Variants in ACYP2 observed in about 807,000 individuals in gnomAD.
ACYP2 encodes the protein acylphosphatase-2.
ACYP2 carries 12 observed loss-of-function variants against 11.2 expected under a neutral mutation model. That is an observed-to-expected ratio of 1.08 (90% CI 0.69 to 1.74). The LOEUF is 1.74. ACYP2 is among the 40% of genes most tolerant of loss of function. The pLI, the probability that ACYP2 is intolerant of heterozygous loss-of-function variation, is 0.00. For missense variants in ACYP2, 134 were observed against 101.9 expected, an observed-to-expected ratio of 1.31 and a Z score of -1.35; for synonymous variants, 43 against 32.2, an observed-to-expected ratio of 1.33 and a Z score of -1.13.
intron 4 of ACYP2, among the ~76,000 whole-genome samples, chr2:54,095,494 G>A (rs544716827): frequency 6.6e-6 from 1 of 150,926 alleles, no homozygotes; most frequent in Non-Finnish European, 1.5e-5. Context: ...CCCGGACGGG[G>A]CGGCTGGCTG....
At chr2:54,165,564 C>G (rs1350792211) in intron 6 of ACYP2, among the ~76,000 whole-genome samples, 2 of 150,226 alleles carry the variant, frequency 1.3e-5, no homozygotes, top group East Asian at 3.9e-4. Context: ...CACACACACA[C>G]ACACACACAT....
intron 6 of ACYP2, among the ~76,000 whole-genome samples, chr2:54,139,474 A>C (rs1240174599): frequency 6.6e-6 from 1 of 152,226 alleles, no homozygotes; most frequent in Admixed American, 6.5e-5. Flanking sequence ...TGACGTTTTC[A>C]AAAGCCTTGT....
chr2:54,300,863 G>C (rs918134644), intron 6 of ACYP2, among the ~76,000 whole-genome samples: 6 of 152,184 alleles, frequency 3.9e-5, no homozygotes, highest in African/African-American at 1.4e-4. Context: ...GCCACTACTG[G>C]ATATTATCAA....
At chr2:54,130,828 G>C (rs1680858314) in intron 4 of ACYP2, among the ~76,000 whole-genome samples, 2 of 152,104 alleles carry the variant, frequency 1.3e-5, no homozygotes, top group Admixed American at 1.3e-4. Flanking sequence ...TCTCCTATCT[G>C]TAATGTTCTA....
At chr2:54,021,635 C>T (rs1674014688) in intron 2 of ACYP2, among the ~76,000 whole-genome samples, 1 of 152,304 alleles carries the variant, frequency 6.6e-6, no homozygotes. Context: ...CCAGAAATGT[C>T]CAAGCCACAG....
chr2:54,249,427 TC>T (rs1332616210), intron 6 of ACYP2, among the ~76,000 whole-genome samples: 1 of 132,800 alleles, frequency 7.5e-6, no homozygotes, highest in Admixed American at 7.7e-5. Context: ...AGAGTGAGAC[TC>T]CGTCTCAAAA....
At chr2:54,175,692 A>G (rs1450950632) in intron 6 of ACYP2, among the ~76,000 whole-genome samples, 1 of 151,986 alleles carries the variant, frequency 6.6e-6, no homozygotes, top group Non-Finnish European at 1.5e-5. Context: ...CTGTAAATTT[A>G]CTGATTATCA....
At chr2:54,103,159 A>G (rs933385066) in intron 4 of ACYP2, among the ~76,000 whole-genome samples, 2 of 124,604 alleles carry the variant, frequency 1.6e-5, no homozygotes, top group African/African-American at 2.6e-5. Context: ...GAAAAAATTT[A>G]TATTACAAGT....
At chr2:54,186,500 T>TTTG (rs964918480) in intron 6 of ACYP2, among the ~76,000 whole-genome samples, 12 of 152,068 alleles carry the variant, frequency 7.9e-5, no homozygotes, top group Non-Finnish European at 1.3e-4. Context: ...TAAATAGCAT[T>TTTG]TTGTTGTTGT....
At position 54,051,314 on chromosome 2, in the gene ACYP2, G is replaced by C. The variant is rs1265342626; in HGVS notation, c.155+264G>C. 5.9e-5 allele frequency: 45 copies of C among 765,520 alleles called. No individual in the cohort carries two copies. The East Asian group carries it at 1.1e-3, about 19-fold the overall frequency. 47.4% of individuals were successfully genotyped at this position (765,520 alleles called of 1,614,324 possible). ...TAAGAAGCAGCAGCCAGATGCTTCA[G>C]TCAACTTCTCAGAGTTTTTAAGAAG... On this transcript the variant is annotated intron_variant, in intron 3 of 6. Coordinates refer to ENST00000607452, the MANE Select transcript of ACYP2 (RefSeq NM_001320586.2).
At chr2:54,182,047 ATTTTTTTTTTT>A (rs35145998) in intron 6 of ACYP2, among the ~76,000 whole-genome samples, 31 of 83,068 alleles carry the variant, frequency 3.7e-4, no homozygotes, top group African/African-American at 1.3e-3. Context: ...ATAGAAGATA[ATTTTTTTTTTT>A]TTTTTTTTTT....
chr2:54,088,737 C>G (rs1678073687), intron 4 of ACYP2, among the ~76,000 whole-genome samples: 1 of 152,140 alleles, frequency 6.6e-6, no homozygotes, highest in Non-Finnish European at 1.5e-5. Context: ...ATAGATTGGC[C>G]TATTAATTAA....
intron 6 of ACYP2, among the ~76,000 whole-genome samples, chr2:54,241,320 G>A (rs1277049853): frequency 6.6e-6 from 1 of 152,070 alleles, no homozygotes; most frequent in East Asian, 1.9e-4. Flanking sequence ...GGGTGTTCTT[G>A]GACTGCTCTA....
chr2:54,224,858 A>G (rs1432462657), intron 6 of ACYP2, among the ~76,000 whole-genome samples: 2 of 152,240 alleles, frequency 1.3e-5, no homozygotes, highest in South Asian at 2.1e-4. Flanking sequence ...AGAAATATAC[A>G]TGAAAGTACT....
At chr2:53,972,752 G>T (rs927749108) in intron 1 of ACYP2, among the ~76,000 whole-genome samples, 1 of 152,234 alleles carries the variant, frequency 6.6e-6, no homozygotes, top group Non-Finnish European at 1.5e-5. Context: ...AATGGCTTGG[G>T]CTTAGTAGTT....
chr2:54,132,158 T>C (rs889571850), intron 4 of ACYP2, among the ~76,000 whole-genome samples: 3 of 145,836 alleles, frequency 2.1e-5, no homozygotes, highest in Non-Finnish European at 4.5e-5. Context: ...GGGATCCCCT[T>C]ACCCTTATGA....
intron 2 of ACYP2, among the ~76,000 whole-genome samples, chr2:53,984,921 T>C (rs572534146): frequency 6.6e-6 from 1 of 152,206 alleles, no homozygotes; most frequent in East Asian, 1.9e-4. Context: ...TATCAAGCTC[T>C]GTACCTAACA....
chr2:54,228,044 G>C (rs1240303856), intron 6 of ACYP2, among the ~76,000 whole-genome samples: 1 of 152,210 alleles, frequency 6.6e-6, no homozygotes, highest in East Asian at 1.9e-4. Context: ...AGTATGAACA[G>C]GTTCAGGCTG....
chr2:54,096,379 TC>T (rs1411036740), intron 4 of ACYP2, among the ~76,000 whole-genome samples: 5 of 147,068 alleles, frequency 3.4e-5, no homozygotes, highest in African/African-American at 1.3e-4. Context: ...GCTCCTCACG[TC>T]CCAGACGATG....
Sources: gnomAD v4.1 joint callset for allele counts (sites outside exome capture counted in the v4.1 genomes callset) on GRCh38, gnomAD v4.1.1 for gene constraint, MANE v1.5 for transcripts, NCBI Gene and HGNC (gene_info 2026-07-23, HGNC 2026-07-21) for gene names.